ATL1: variants seen among roughly 807,000 people sequenced by gnomAD.
ATL1 encodes the protein atlastin-1.
Under a neutral mutation model 75.5 loss-of-function variants are expected in ATL1, and 31 were observed. The ratio of observed to expected loss-of-function variants is 0.41; its 90% CI spans 0.31 to 0.55. The LOEUF is 0.55. Among genes scored for constraint, ATL1 ranks in the 20% least tolerant of loss-of-function variants. The pLI is 0.27. For missense variants in ATL1, 405 were observed against 662.6 expected, an observed-to-expected ratio of 0.61 and a Z score of 4.27; for synonymous variants, 226 against 233.3, an observed-to-expected ratio of 0.97 and a Z score of 0.28.
At chr14:50,536,113 C>G in intron 1 of ATL1, among the ~76,000 whole-genome samples, 1 of 152,192 alleles carries the variant, frequency 6.6e-6, no homozygotes, top group Admixed American at 6.5e-5. Flanking sequence ...TGCCCGGTCT[C>G]AGGTTTGTCT....
upstream of ATL1, chr14:50,559,695 C>A (rs1454815773): frequency 6.5e-6 from 1 of 153,322 alleles, no homozygotes; most frequent in African/African-American, 2.4e-5. Flanking sequence ...TATACATATA[C>A]AAAAATGCAT....
At chr14:50,563,546 T>C (rs918248331) in intron 1 of ATL1, among the ~76,000 whole-genome samples, 7 of 152,184 alleles carry the variant, frequency 4.6e-5, no homozygotes, top group Admixed American at 1.3e-4. Flanking sequence ...AATACAGTGA[T>C]TTCCAAGAAA....
At chr14:50,598,498 T>A (rs1019092039) in intron 6 of ATL1, among the ~76,000 whole-genome samples, 1 of 152,010 alleles carries the variant, frequency 6.6e-6, no homozygotes, top group Admixed American at 6.6e-5. Context: ...GTAGCTGGGA[T>A]TACAGGTGCC....
chr14:50,597,946 C>T lies in ATL1; in HGVS notation c.630+2314C>T, dbSNP rs2934680. Among the ~76,000 whole-genome samples, 1,019 of 152,256 alleles carry T rather than the reference C, an allele frequency of 6.7e-3. 17 individuals are homozygous for T. The highest frequency in any genetic ancestry group is 0.023 in the African/African-American group (954 of 41,528). ...TCCTGACCTCATGATCCATCCGTCT[C>T]GGCCTCCCAAAGTGCTGGGATTACA... On this transcript the variant is annotated intron_variant, in intron 6 of 13. Coordinates refer to ENST00000358385, the MANE Select transcript of ATL1 (RefSeq NM_015915.5).
intron 13 of ATL1, 140 bp downstream of exon 13, chr14:50,630,149 T>G (rs1228722892): frequency 1.8e-6 from 1 of 544,422 alleles, no homozygotes; most frequent in Non-Finnish European, 3.1e-6. Context: ...AAATTTGTAA[T>G]TGTGAATTTT....
chr14:50,605,005 G>A (rs971004368), intron 6 of ATL1, among the ~76,000 whole-genome samples: 49 of 151,922 alleles, frequency 3.2e-4, no homozygotes, highest in African/African-American at 1.2e-3. Flanking sequence ...CAAGCAATGG[G>A]CTACAAAAGG....
intron 1 of ATL1, among the ~76,000 whole-genome samples, chr14:50,537,301 T>C (rs1488978230): frequency 1.3e-5 from 2 of 152,188 alleles, no homozygotes; most frequent in African/African-American, 4.8e-5. Flanking sequence ...AAGTCAAGAA[T>C]TGAGGTTTGG....
chr14:50,572,765 A>G (rs901463233), intron 1 of ATL1, among the ~76,000 whole-genome samples: 4 of 152,088 alleles, frequency 2.6e-5, no homozygotes, highest in Admixed American at 6.6e-5. Context: ...TATCCTATAT[A>G]TGTTGATATG....
rs35304376 is a variant in ATL1 at position 50,574,908 on chromosome 14, A to AGT, written c.35-12894_35-12893dup. Among the ~76,000 whole-genome samples, 175 of 52,276 alleles carry AGT rather than the reference A, an allele frequency of 3.3e-3. 3 individuals carry two copies. The highest frequency in any genetic ancestry group is 0.011 in the East Asian group (19 of 1,700). The allele number at this position is 52,276 out of a possible 152,430, so 34.3% of individuals were successfully genotyped here. The stretch of plus-strand genomic sequence containing the variant: ...ATGTTTTTCATTGTTTTCAATACTG[A>AGT]GTGTGTGTGTGTGTGTGTGTGTGTG... On this transcript the variant is annotated intron_variant, in intron 1 of 13. Transcript: ENST00000358385.
At chr14:50,610,349 T>G (rs1344690717) in intron 6 of ATL1, among the ~76,000 whole-genome samples, 1 of 152,108 alleles carries the variant, frequency 6.6e-6, no homozygotes, top group Admixed American at 6.6e-5. Context: ...GAATGATAAT[T>G]GACAAGGTTT....
At chr14:50,560,477 G>C in intron 1 of ATL1, 178 bp downstream of exon 1, 2 of 817,318 alleles carry the variant, frequency 2.4e-6, no homozygotes, top group East Asian at 5.5e-5. Context: ...AGCGGTACCC[G>C]CGTCACCGAA....
Position 50,621,836 on chromosome 14 carries a change from T to G in ATL1, c.991-7T>G, listed in dbSNP as rs753551265. The G allele has an allele frequency of 1.3e-6, 2 of 1,553,964 alleles. No homozygotes were observed. Among genetic ancestry groups the G allele is most frequent in the Non-Finnish European group, 1.8e-6 (2 of 1,127,956 alleles). ...GCTTGAACATGAATCTTTTTCTTTT[T>G]TTTTAGGCTTATATAAAGATCTATC... On this transcript the variant is annotated splice_polypyrimidine_tract_variant and splice_region_variant and intron_variant, in intron 9 of 13. Coordinates refer to ENST00000358385, the MANE Select transcript of ATL1 (RefSeq NM_015915.5).
chr14:50,607,364 C>A (rs2039325047), intron 6 of ATL1, among the ~76,000 whole-genome samples: 1 of 152,150 alleles, frequency 6.6e-6, no homozygotes, highest in African/African-American at 2.4e-5. Flanking sequence ...CAACTGATGA[C>A]CACATGTAGG....
intron 1 of ATL1, among the ~76,000 whole-genome samples, chr14:50,533,656 A>G (rs1248664140): frequency 6.6e-6 from 1 of 152,204 alleles, no homozygotes; most frequent in African/African-American, 2.4e-5. Context: ...ACACTCAGCC[A>G]CTGCATTTAG....
chr14:50,541,105 G>A (rs2038555034), intron 1 of ATL1, among the ~76,000 whole-genome samples: 1 of 152,162 alleles, frequency 6.6e-6, no homozygotes, highest in Non-Finnish European at 1.5e-5. Flanking sequence ...CTAGAAAGTA[G>A]CTTTCTTTTC....
intron 8 of ATL1, among the ~76,000 whole-genome samples, chr14:50,615,784 C>T (rs939321476): frequency 6.6e-6 from 1 of 152,136 alleles, no homozygotes; most frequent in Non-Finnish European, 1.5e-5. Flanking sequence ...GAAAGCTTCT[C>T]TTTCTTCTCT....
At chr14:50,625,658 C>T (rs2039511563) in intron 11 of ATL1, among the ~76,000 whole-genome samples, 1 of 152,102 alleles carries the variant, frequency 6.6e-6, no homozygotes, top group South Asian at 2.1e-4. Context: ...TGGCTCACAC[C>T]TGCACTTTGG....
At chr14:50,542,601 A>G (rs1025863857) in intron 1 of ATL1, 3 of 152,222 alleles carry the variant, frequency 2.0e-5, no homozygotes, top group African/African-American at 7.2e-5. Context: ...GACACAAGTA[A>G]ATCATATGGA....
At chr14:50,576,552 G>C (rs1216735896) in intron 1 of ATL1, among the ~76,000 whole-genome samples, 1 of 152,146 alleles carries the variant, frequency 6.6e-6, no homozygotes, top group Non-Finnish European at 1.5e-5. Flanking sequence ...GAGGAAACTT[G>C]TTATGCATTC....
Sources: allele counts gnomAD v4.1 joint callset (sites outside exome capture counted in the v4.1 genomes callset), GRCh38; gene constraint gnomAD v4.1.1; transcripts MANE v1.5; gene names NCBI Gene and HGNC (gene_info 2026-07-23, HGNC 2026-07-21).